Variants in ZNF469 observed in about 807,000 individuals in gnomAD.
ZNF469 encodes the protein zinc finger protein 469.
ZNF469 carries 1 observed loss-of-function variant against 1.0 expected under a neutral mutation model. The observed-to-expected ratio is 1.00, with a 90% confidence interval of 0.35 to 4.73. The LOEUF is 4.73. Ranked by LOEUF, ZNF469 falls within the 30% of genes most tolerant of loss-of-function variation. ZNF469 has a pLI of 0.16. For synonymous variants in ZNF469, 2,703 were observed against 2,363.4 expected, an observed-to-expected ratio of 1.14 and a Z score of -4.17; for missense variants, 6,100 against 5,356.3, an observed-to-expected ratio of 1.14 and a Z score of -4.33.
At chr16:88,397,597 T>C (rs1006937853) in intron 1 of ZNF469, among the ~76,000 whole-genome samples, 1 of 126,904 alleles carries the variant, frequency 7.9e-6, no homozygotes, top group African/African-American at 3.3e-5. Flanking sequence ...TATGTGTATA[T>C]ATGTGTGATG....
At chr16:88,165,182 A>T in the ZNF469 span, among the ~76,000 whole-genome samples, 1 of 152,220 alleles carries the variant, frequency 6.6e-6, no homozygotes, top group Admixed American at 6.5e-5. Context: ...GGCACCCAGC[A>T]GGGTCTGTCT....
At chr16:88,366,744 A>T in the ZNF469 span, among the ~76,000 whole-genome samples, 1 of 151,366 alleles carries the variant, frequency 6.6e-6, no homozygotes, top group Non-Finnish European at 1.5e-5. Flanking sequence ...CATCATTATC[A>T]TCATCACTAT....
chr16:88,438,920 G>A lies in ZNF469; in HGVS notation c.11450G>A (p.Arg3817Lys). 1 of 1,550,570 alleles carries A rather than the reference G, an allele frequency of 6.4e-7. No individual in the cohort carries two copies. The highest frequency in any genetic ancestry group is 1.2e-5 in the South Asian group (1 of 84,064). Residue 3817 changes from arginine (R) to lysine (K), a missense_variant, in exon 3 of 3, where the codon AGG (arginine) becomes AAG (lysine). Coordinates refer to ENST00000565624, the MANE Select transcript of ZNF469 (RefSeq NM_001367624.2). Reference sequence around the variant, plus strand: ...GAGAAGGGAGAGAGCAGTACGAAGAGGAAAAAGGGCCAGGTCCCAGGGCCA... The same window carrying A: ...GAGAAGGGAGAGAGCAGTACGAAGAAGAAAAAGGGCCAGGTCCCAGGGCCA... ...PKEKGESSTK[R>K]KKGQVPGPAR...
chr16:88,412,940 C>T lies in ZNF469; in HGVS notation c.-191-11867C>T, dbSNP rs1047444728. Among the ~76,000 whole-genome samples, 15 of 152,280 alleles carry T rather than the reference C, an allele frequency of 9.9e-5. No individual in the cohort carries two copies. The East Asian group carries it at 1.7e-3, about 18-fold the overall frequency. On this transcript the variant is annotated intron_variant, in intron 1 of 2. Coordinates refer to ENST00000565624, the MANE Select transcript of ZNF469 (RefSeq NM_001367624.2). ...GGCAGCCACAGCCACAGCCGGGGCC[C>T]GGGCAGCAGTGGCCGCTTATCCAAC...
At chr16:88,404,668 A>C (rs75061690) in intron 1 of ZNF469, among the ~76,000 whole-genome samples, 1 of 152,134 alleles carries the variant, frequency 6.6e-6, no homozygotes, top group Admixed American at 6.5e-5. Flanking sequence ...TGGTGGGGGC[A>C]GGCACAGAGG....
At position 88,429,726 on chromosome 16, in the gene ZNF469, C is replaced by G; in HGVS notation, c.2256C>G (p.Phe752Leu). 5 of 1,544,698 alleles carry G rather than the reference C, an allele frequency of 3.2e-6. No individual in the cohort carries two copies. The highest frequency in any genetic ancestry group is 4.4e-6 in the Non-Finnish European group (5 of 1,144,252). The change falls in exon 3 of 3, where the codon TTC becomes TTG. Residue 752 changes from phenylalanine to leucine, a missense_variant. Coordinates refer to ENST00000565624, the MANE Select transcript of ZNF469 (RefSeq NM_001367624.2). ...SLAAFLAHRQFCGLLLARAKD... is the reference protein window; with the variant it reads ...SLAAFLAHRQLCGLLLARAKD... ...CGGCCTTCCTGGCCCACCGGCAGTT[C>G]TGTGGCCTGCTCCTGGCCAGGGCCA... is the stretch of plus-strand genomic sequence containing the variant.
chr16:88,333,229 G>A, the ZNF469 span, among the ~76,000 whole-genome samples: 1 of 152,122 alleles, frequency 6.6e-6, no homozygotes, highest in Non-Finnish European at 1.5e-5. Flanking sequence ...AACCAGGTGT[G>A]GTCTCCAAGC....
the ZNF469 span, among the ~76,000 whole-genome samples, chr16:88,115,900 A>G: frequency 2.6e-5 from 4 of 151,982 alleles, no homozygotes; most frequent in Non-Finnish European, 1.5e-5. Context: ...CTTTATCCTC[A>G]TGTGGTCTCT....
the ZNF469 span, among the ~76,000 whole-genome samples, chr16:88,241,324 A>C: frequency 1.3e-5 from 2 of 150,368 alleles, no homozygotes; most frequent in East Asian, 2.0e-4. This position sits in a 1 kb window ranked among gnomAD's most constrained non-coding sequence, Gnocchi z 4.8. Context: ...GCGCCACTGC[A>C]CTCTAGCCTG....
In ZNF469 at chr16:88,417,593, C is replaced by T. The variant is rs541036992; in HGVS notation, c.-191-7214C>T. On this transcript the variant is annotated intron_variant, in intron 1 of 2. Coordinates refer to ENST00000565624, the MANE Select transcript of ZNF469 (RefSeq NM_001367624.2). Reference sequence around the variant, plus strand: ...CGGCCCCCAAACGTTTCTCGCTCCCCGCACATGGTCCCTCTTCCTACACCC... The same window carrying T: ...CGGCCCCCAAACGTTTCTCGCTCCCTGCACATGGTCCCTCTTCCTACACCC... 7.9e-5 allele frequency among the ~76,000 whole-genome samples: 12 copies of T among 152,356 alleles called. No homozygotes were observed. The East Asian group carries it at 1.2e-3, about 15-fold the overall frequency.
At chr16:88,141,520 G>A in the ZNF469 span, among the ~76,000 whole-genome samples, 85 of 139,226 alleles carry the variant, frequency 6.1e-4, 2 homozygotes, top group Non-Finnish European at 1.1e-3. Context: ...CCTGGTCCCC[G>A]GAGCCTGCTA....
At chr16:88,118,814 G>GA in the ZNF469 span, among the ~76,000 whole-genome samples, 1 of 152,216 alleles carries the variant, frequency 6.6e-6, no homozygotes. Context: ...CGGCATTTGG[G>GA]AGAGAATTCA....
At chr16:88,344,638 G>T in the ZNF469 span, among the ~76,000 whole-genome samples, 3 of 152,216 alleles carry the variant, frequency 2.0e-5, no homozygotes, top group Non-Finnish European at 4.4e-5. Flanking sequence ...GCACCCTCAG[G>T]CGGTGCCCGG....
chr16:88,249,983 G>A, the ZNF469 span, among the ~76,000 whole-genome samples: 26 of 152,360 alleles, frequency 1.7e-4, no homozygotes, highest in African/African-American at 5.8e-4. Flanking sequence ...TTGGGTTGAA[G>A]TTGGCTCCTC....
At chr16:88,346,034 G>A in the ZNF469 span, among the ~76,000 whole-genome samples, 2 of 152,176 alleles carry the variant, frequency 1.3e-5, no homozygotes, top group Non-Finnish European at 2.9e-5. Context: ...GCTCTGGACC[G>A]GGTCAGGCTG....
At chr16:88,185,307 TCA>T in the ZNF469 span, among the ~76,000 whole-genome samples, 1 of 151,904 alleles carries the variant, frequency 6.6e-6, no homozygotes, top group African/African-American at 2.4e-5. Context: ...ACTCAAACTC[TCA>T]CAGTCACACA....
At chr16:88,178,812 C>G in the ZNF469 span, 1 of 150,810 alleles carries the variant, frequency 6.6e-6, no homozygotes, top group Non-Finnish European at 1.5e-5. Context: ...TGAGTTGAAA[C>G]TGCAGTCTCC....
the ZNF469 span, among the ~76,000 whole-genome samples, chr16:88,124,384 C>A: frequency 6.6e-6 from 1 of 152,118 alleles, no homozygotes; most frequent in Admixed American, 6.5e-5. Flanking sequence ...TGCCATCACA[C>A]CCTGCTAATT....
chr16:88,231,972 C>T, the ZNF469 span, among the ~76,000 whole-genome samples: 1 of 152,120 alleles, frequency 6.6e-6, no homozygotes, highest in Non-Finnish European at 1.5e-5. The surrounding 1 kb of genome is among the most constrained non-coding windows in gnomAD (Gnocchi z 4.5). Context: ...GGAATGAACA[C>T]CCGGCCCCAA....
Sources: gnomAD v4.1 joint callset for allele counts (sites outside exome capture counted in the v4.1 genomes callset) on GRCh38, gnomAD v4.1.1 for gene constraint, Gnocchi (gnomAD v3.1) non-coding constraint, MANE v1.5 for transcripts, NCBI Gene and HGNC (gene_info 2026-07-23, HGNC 2026-07-21) for gene names.